TMEM117: variants seen among roughly 807,000 people sequenced by gnomAD.
TMEM117 encodes the protein transmembrane protein 117.
In TMEM117, 27 loss-of-function variants were observed where a neutral mutation model predicts 52.4. The observed-to-expected ratio is 0.51, with a 90% CI of 0.38 to 0.71. The LOEUF is 0.71. Among genes scored for constraint, TMEM117 ranks in the 30% least tolerant of loss-of-function variants. The pLI, the probability that TMEM117 is intolerant of heterozygous loss-of-function variation, is 0.00. For synonymous variants in TMEM117, 215 were observed against 206.3 expected, an observed-to-expected ratio of 1.04 and a Z score of -0.36; for missense variants, 556 against 630.5, an observed-to-expected ratio of 0.88 and a Z score of 1.26.
At chr12:44,335,020 C>G (rs1951322732) in intron 6 of TMEM117, among the ~76,000 whole-genome samples, 1 of 152,070 alleles carries the variant, frequency 6.6e-6, no homozygotes, top group East Asian at 1.9e-4. Context: ...CAGAAATTGT[C>G]ATGGAAAATT....
intron 1 of TMEM117, among the ~76,000 whole-genome samples, chr12:43,843,660 C>T (rs149879935): frequency 6.6e-6 from 1 of 152,340 alleles, no homozygotes; most frequent in East Asian, 1.9e-4. Flanking sequence ...TCTGTCCCTT[C>T]TTCACTAGTA....
intron 2 of TMEM117, among the ~76,000 whole-genome samples, chr12:43,865,594 G>T (rs914357761): frequency 6.6e-6 from 1 of 151,934 alleles, no homozygotes; most frequent in East Asian, 1.9e-4. Context: ...CTACTAGAGG[G>T]GCTGAGGCAG....
chr12:43,923,073 G>T (rs908575351), intron 2 of TMEM117, among the ~76,000 whole-genome samples: 1 of 152,028 alleles, frequency 6.6e-6, no homozygotes, highest in Non-Finnish European at 1.5e-5. Context: ...GGAGAGATTT[G>T]GTCTCTAGAG....
intron 3 of TMEM117, among the ~76,000 whole-genome samples, chr12:44,128,553 G>A (rs910062542): frequency 6.6e-6 from 1 of 152,208 alleles, no homozygotes; most frequent in Non-Finnish European, 1.5e-5. Context: ...CTCCTTCAGG[G>A]ATAAGCAGCT....
At position 44,241,774 on chromosome 12, in the gene TMEM117, T is replaced by C. The variant is rs1227644174; in HGVS notation, c.608+30387T>C. Among the ~76,000 whole-genome samples the C allele has an allele frequency of 2.0e-5, 3 of 151,992 alleles. No homozygotes were observed. The East Asian group carries it at 5.8e-4, about 29-fold the overall frequency. ...TTGAATGATTCATCTTCCCCCACAG[T>C]TTTGATATATCATTGGCATTATATA... On this transcript the variant is annotated intron_variant, in intron 5 of 7. Transcript: ENST00000266534.
chr12:44,214,502 T>C (rs900960504), intron 5 of TMEM117, among the ~76,000 whole-genome samples: 3 of 152,098 alleles, frequency 2.0e-5, no homozygotes, highest in African/African-American at 7.2e-5. Flanking sequence ...TGTGATAACA[T>C]AGCCCAGTGG....
intron 6 of TMEM117, among the ~76,000 whole-genome samples, chr12:44,346,273 A>G (rs1395181550): frequency 6.6e-6 from 1 of 152,074 alleles, no homozygotes; most frequent in Admixed American, 6.6e-5. Flanking sequence ...TTTCCACTGC[A>G]GTGTTCTACA....
chr12:44,164,575 T>C (rs1463957432), intron 4 of TMEM117, among the ~76,000 whole-genome samples: 4 of 152,146 alleles, frequency 2.6e-5, no homozygotes, highest in African/African-American at 9.7e-5. Context: ...AAAAAAACCC[T>C]TGTAAAAGGC....
intron 1 of TMEM117, among the ~76,000 whole-genome samples, chr12:43,843,820 C>G (rs953566534): frequency 4.6e-5 from 7 of 152,218 alleles, no homozygotes; most frequent in Admixed American, 2.0e-4. Flanking sequence ...AGAACTTACT[C>G]TCTATTGAAA....
chr12:44,368,815 G>A (rs1227811581), intron 6 of TMEM117, among the ~76,000 whole-genome samples: 1 of 152,102 alleles, frequency 6.6e-6, no homozygotes, highest in African/African-American at 2.4e-5. Context: ...TAATAACTTT[G>A]TTCCACTAGA....
chr12:44,032,734 C>T (rs1279289197), intron 3 of TMEM117, among the ~76,000 whole-genome samples: 1 of 152,070 alleles, frequency 6.6e-6, no homozygotes, highest in African/African-American at 2.4e-5. Context: ...TATGAATGAC[C>T]CTCACCATAC....
intron 5 of TMEM117, among the ~76,000 whole-genome samples, chr12:44,254,117 G>A (rs1388574552): frequency 6.6e-6 from 1 of 151,572 alleles, no homozygotes; most frequent in Non-Finnish European, 1.5e-5. Context: ...TGGCATATGT[G>A]TGAGGAGTTG....
At chr12:44,307,672 C>T (rs1950920727) in intron 6 of TMEM117, among the ~76,000 whole-genome samples, 2 of 152,272 alleles carry the variant, frequency 1.3e-5, no homozygotes, top group South Asian at 2.1e-4. Flanking sequence ...GGGAGAATCA[C>T]GGAGGAGGAC....
At chr12:43,964,428 C>T (rs531137414) in intron 3 of TMEM117, among the ~76,000 whole-genome samples, 3 of 152,292 alleles carry the variant, frequency 2.0e-5, no homozygotes, top group East Asian at 1.9e-4. Context: ...CCTAAAATTT[C>T]TCTTTCCTAC....
At chr12:43,881,151 A>G (rs1360893402) in intron 2 of TMEM117, among the ~76,000 whole-genome samples, 1 of 152,218 alleles carries the variant, frequency 6.6e-6, no homozygotes, top group African/African-American at 2.4e-5. Flanking sequence ...ATACATGCCT[A>G]TATATTTTAT....
rs1392186260 is a variant in TMEM117 at position 44,388,095 on chromosome 12, T to A, written c.968T>A (p.Ile323Lys). ...ILDLNMWKNQ[I>K]FYKPHEYGQY... Reference sequence around the variant, plus strand: ...GATCTTAATATGTGGAAGAACCAAATATTTTATAAACCTCATGAATATGGG... The same window carrying A: ...GATCTTAATATGTGGAAGAACCAAAAATTTTATAAACCTCATGAATATGGG... The change falls in exon 8 of 8, where the codon ATA (isoleucine) becomes AAA (lysine). Residue 323 changes from isoleucine (I) to lysine (K), a missense_variant. Around this residue, in one of 3 missense-constraint regions of TMEM117, gnomAD observed 22 missense variants for 48.1 expected, o/e 0.46. Coordinates refer to ENST00000266534, the MANE Select transcript of TMEM117 (RefSeq NM_032256.3). 1 of 1,612,778 alleles carries A rather than the reference T, an allele frequency of 6.2e-7. No individual in the cohort carries two copies. Among genetic ancestry groups the A allele is most frequent in the Non-Finnish European group, 8.5e-7 (1 of 1,179,402 alleles).
the TMEM117 span, among the ~76,000 whole-genome samples, chr12:44,396,630 G>T: frequency 1.3e-5 from 2 of 152,132 alleles, no homozygotes; most frequent in African/African-American, 4.8e-5. Flanking sequence ...AAGGCAGGCA[G>T]ATCACTTAAG....
At chr12:43,971,528 C>T (rs1592404502) in intron 3 of TMEM117, among the ~76,000 whole-genome samples, 1 of 152,196 alleles carries the variant, frequency 6.6e-6, no homozygotes, top group East Asian at 1.9e-4. Context: ...CCTTCAGCCC[C>T]TACCCTCCAC....
chr12:44,047,622 T>C (rs1374043236), intron 3 of TMEM117, among the ~76,000 whole-genome samples: 1 of 152,102 alleles, frequency 6.6e-6, no homozygotes, highest in Non-Finnish European at 1.5e-5. Flanking sequence ...TTGTAAGGAG[T>C]CAATAATTTT....
Sources: allele counts gnomAD v4.1 joint callset (sites outside exome capture counted in the v4.1 genomes callset), GRCh38; gene constraint gnomAD v4.1.1; regional missense constraint gnomAD v4.1.1; transcripts MANE v1.5; gene names NCBI Gene and HGNC (gene_info 2026-07-23, HGNC 2026-07-21).